Variants in SLIT2 observed in about 807,000 individuals in gnomAD.
The protein encoded by SLIT2 is slit homolog 2 protein.
SLIT2 carries 41 observed loss-of-function variants against 185.7 expected under a neutral mutation model. The observed-to-expected ratio is 0.22, with a 90% CI of 0.17 to 0.29. The LOEUF is 0.29. Ranked by LOEUF, SLIT2 falls within the 10% of genes least tolerant of loss-of-function variation. The pLI, the probability that SLIT2 is intolerant of heterozygous loss-of-function variation, is 1.00. For missense variants in SLIT2, 1,571 were observed against 1,909.0 expected, an observed-to-expected ratio of 0.82 and a Z score of 3.30; for synonymous variants, 693 against 680.2, an observed-to-expected ratio of 1.02 and a Z score of -0.29.
chr4:20,307,720 T>A (rs933381639), intron 4 of SLIT2, among the ~76,000 whole-genome samples: 1 of 152,220 alleles, frequency 6.6e-6, no homozygotes, highest in Admixed American at 6.5e-5. Flanking sequence ...TACCAGGGAC[T>A]CTAATTCTTT....
At chr4:20,476,936 A>T (rs1716166750) in intron 5 of SLIT2, among the ~76,000 whole-genome samples, 1 of 152,130 alleles carries the variant, frequency 6.6e-6, no homozygotes, top group African/African-American at 2.4e-5. Context: ...CATACCTAGA[A>T]TAAATCAAAA....
At chr4:20,610,640 C>T (rs1729138929) in intron 34 of SLIT2, among the ~76,000 whole-genome samples, 1 of 152,176 alleles carries the variant, frequency 6.6e-6, no homozygotes, top group Non-Finnish European at 1.5e-5. Flanking sequence ...GGAGCTTCTG[C>T]ACTACCAGTT....
chr4:20,468,765 A>G (rs947032805), intron 5 of SLIT2, among the ~76,000 whole-genome samples: 1 of 152,028 alleles, frequency 6.6e-6, no homozygotes, highest in Non-Finnish European at 1.5e-5. Flanking sequence ...CAGGAATTTA[A>G]TATTTCTTAG....
chr4:20,592,528 G>A (rs1191095869), intron 30 of SLIT2, among the ~76,000 whole-genome samples: 3 of 152,152 alleles, frequency 2.0e-5, no homozygotes, highest in East Asian at 1.9e-4. Context: ...TGGACATAAT[G>A]TAACTCCAAG....
At chr4:20,617,398 T>G (rs371453785) in intron 35 of SLIT2, 41 bp from the exon 36 acceptor site, 1 of 1,566,520 alleles carries the variant, frequency 6.4e-7, no homozygotes, top group Non-Finnish European at 8.8e-7. Context: ...TTACCTCCTC[T>G]TCTGAATGCA....
rs1577727609 is a variant in SLIT2 at position 20,472,588 on chromosome 4, A to AGATATATC, written c.467+4772_467+4773insCGATATAT. On this transcript the variant is annotated intron_variant, in intron 5 of 36. Transcript: ENST00000504154. ...TCTATATATAGATATATCTATATATAGATATATATCTATAGATATATCTAT... is the reference window on the plus strand; with the variant it reads ...TCTATATATAGATATATCTATATATAGATATATCGATATATATCTATAGATATATCTAT... Among the ~76,000 whole-genome samples, 12 of 12,318 alleles carry AGATATATC rather than the reference A, an allele frequency of 9.7e-4. 3 individuals carry two copies. Among genetic ancestry groups the AGATATATC allele is most frequent in the African/African-American group, 2.8e-3 (4 of 1,420 alleles). 8.1% of individuals were successfully genotyped at this position (12,318 alleles called of 152,430 possible). A position where few individuals can be genotyped will look rare whatever the true frequency, so the allele number is the denominator to read the frequency against.
intron 4 of SLIT2, among the ~76,000 whole-genome samples, chr4:20,269,689 G>A (rs967161151): frequency 9.9e-5 from 15 of 151,982 alleles, no homozygotes; most frequent in African/African-American, 3.4e-4. Flanking sequence ...CTGCTGGAAT[G>A]TATAGAGTAA....
At chr4:20,469,751 C>CTTTTTTTTTTTTTTTT (rs33912349) in intron 5 of SLIT2, among the ~76,000 whole-genome samples, 1 of 90,764 alleles carries the variant, frequency 1.1e-5, no homozygotes, top group African/African-American at 4.3e-5. Flanking sequence ...TTAGTTTTTA[C>CTTTTTTTTTTTTTTTT]TTTTTTTTTT....
At chr4:20,506,130 T>C (rs1211583126) in intron 9 of SLIT2, among the ~76,000 whole-genome samples, 1 of 152,028 alleles carries the variant, frequency 6.6e-6, no homozygotes. Context: ...TAAAATGTTA[T>C]GCAATCATTT....
chr4:20,266,693 G>T (rs1379151705), intron 3 of SLIT2, among the ~76,000 whole-genome samples: 1 of 151,900 alleles, frequency 6.6e-6, no homozygotes, highest in African/African-American at 2.4e-5. Context: ...GGAATACAAA[G>T]ATTTAGTCTT....
intron 3 of SLIT2, among the ~76,000 whole-genome samples, chr4:20,261,253 T>A (rs1285015553): frequency 6.6e-6 from 1 of 151,806 alleles, no homozygotes; most frequent in Admixed American, 6.6e-5. Flanking sequence ...TCAAATGAAA[T>A]GTACTCTACC....
intron 26 of SLIT2, among the ~76,000 whole-genome samples, 165 bp from the exon 27 acceptor site, chr4:20,567,097 A>G (rs577942599): frequency 1.2e-4 from 19 of 152,202 alleles, no homozygotes; most frequent in East Asian, 9.7e-4. Flanking sequence ...ATTCTTGAAC[A>G]TCATCGGAGG....
At chr4:20,349,057 T>C (rs1183058116) in intron 4 of SLIT2, among the ~76,000 whole-genome samples, 1 of 152,178 alleles carries the variant, frequency 6.6e-6, no homozygotes, top group Non-Finnish European at 1.5e-5. Flanking sequence ...AATTGTGCCA[T>C]TCCCAAAGAG....
Position 20,617,528 on chromosome 4 carries a change from A to G in SLIT2, c.4226A>G (p.Glu1409Gly). The change falls in exon 36 of 37, where the codon GAG (glutamate) becomes GGG (glycine). Residue 1409 changes from glutamate (E) to glycine (G), a missense_variant. Transcript: ENST00000504154. ...EGHGGVLCDE[E>G]EDLFNPCQAI... ...CATGGAGGTGTCCTCTGTGATGAAG[A>G]GGAGGATCTGTTTAACCCATGCCAG... is the stretch of plus-strand genomic sequence containing the variant. 1 of 1,614,038 alleles carries G rather than the reference A, an allele frequency of 6.2e-7. No homozygotes were observed. The highest frequency in any genetic ancestry group is 8.5e-7 in the Non-Finnish European group (1 of 1,179,980).
intron 4 of SLIT2, among the ~76,000 whole-genome samples, chr4:20,457,673 A>G (rs189176561): frequency 4.1e-4 from 62 of 152,256 alleles, no homozygotes; most frequent in African/African-American, 1.4e-3. Context: ...TGATCACTTT[A>G]CCTATCTACT....
intron 33 of SLIT2, among the ~76,000 whole-genome samples, chr4:20,601,555 T>TA (rs1170227994): frequency 6.6e-6 from 1 of 152,240 alleles, no homozygotes; most frequent in Non-Finnish European, 1.5e-5. Context: ...ATCCTCTCCT[T>TA]TCCTTTACCT....
chr4:20,421,620 A>G (rs545479601), intron 4 of SLIT2, among the ~76,000 whole-genome samples: 1 of 152,292 alleles, frequency 6.6e-6, no homozygotes, highest in Admixed American at 6.5e-5. Context: ...TTTTGGAAGT[A>G]TCGATATTCC....
rs753990008 is a variant in SLIT2 at position 20,596,465 on chromosome 4, C to G, written c.3371C>G (p.Pro1124Arg). The part of the protein sequence containing the change: ...SPPMVLPRTS[P>R]CDNFDCQNGA... ...CCCATGGTCCTCCCTCGTACCAGCC[C>G]CTGTGATAATTTTGATTGTCAGAAT... The change falls in exon 32 of 37, where the codon CCC becomes CGC. Residue 1124 changes from proline to arginine, a missense_variant. Transcript: ENST00000504154. 2.5e-6 allele frequency: 4 copies of G among 1,613,950 alleles called. No homozygotes were observed. In the South Asian group the frequency reaches 3.3e-5, roughly 13 times the overall value.
chr4:20,407,413 A>G (rs1456440355), intron 4 of SLIT2, among the ~76,000 whole-genome samples: 1 of 152,228 alleles, frequency 6.6e-6, no homozygotes, highest in Non-Finnish European at 1.5e-5. Flanking sequence ...GTTCATGAAG[A>G]ACAAAACTAG....
Sources: gnomAD v4.1 joint callset for allele counts (sites outside exome capture counted in the v4.1 genomes callset) on GRCh38, gnomAD v4.1.1 for gene constraint, MANE v1.5 for transcripts, NCBI Gene and HGNC (gene_info 2026-07-23, HGNC 2026-07-21) for gene names.